ADAM2: variants seen among roughly 807,000 people sequenced by gnomAD.
The protein encoded by ADAM2 is ADAM metallopeptidase domain 2.
A neutral mutation model predicts 99.3 loss-of-function variants in ADAM2; 101 were observed. That is an observed-to-expected ratio of 1.02 (90% CI 0.87 to 1.20). ADAM2 has a LOEUF of 1.20. Among genes scored for constraint, ADAM2 ranks in the 50% most tolerant of loss-of-function variants. The pLI, the probability that ADAM2 is intolerant of heterozygous loss-of-function variation, is 0.00. For synonymous variants in ADAM2, 323 were observed against 287.6 expected (o/e 1.12, Z -1.25); for missense variants, 948 against 878.7 (o/e 1.08, Z -1.00).
At chr8:39,755,112 A>C (rs757899246) in intron 16 of ADAM2, among the ~76,000 whole-genome samples, 1 of 152,198 alleles carries the variant, frequency 6.6e-6, no homozygotes, top group Non-Finnish European at 1.5e-5. Context: ...AAATGATTAT[A>C]TCAAAAGATA....
At chr8:39,756,119 C>T (rs894609860) in intron 15 of ADAM2, among the ~76,000 whole-genome samples, 3 of 152,118 alleles carry the variant, frequency 2.0e-5, no homozygotes, top group African/African-American at 7.2e-5. Context: ...AAGGTTGGTG[C>T]AAAACTAATA....
chr8:39,796,787 T>G (rs7386340), intron 7 of ADAM2, among the ~76,000 whole-genome samples: 110,360 of 152,120 alleles, frequency 0.73, 41,025 homozygotes, highest in African/African-American at 0.89. Context: ...TTTCTCTGAT[T>G]ATTAGTGATG....
intron 5 of ADAM2, 52 bp from the exon 6 acceptor site, chr8:39,821,222 C>T: frequency 8.2e-7 from 1 of 1,224,894 alleles, no homozygotes; most frequent in Non-Finnish European, 1.1e-6. Flanking sequence ...TGTGGAAAAG[C>T]CAATAAAATG....
In ADAM2 at chr8:39,823,661, T is replaced by G. The variant is rs573873900; in HGVS notation, c.267+1158A>C. ...GATCTCCTGTGCCTCTGTCTTGGAT[T>G]CTCACTCTATCTTCTGTCCTCTCTC... is the stretch of plus-strand genomic sequence containing the variant. On this transcript the variant is annotated intron_variant, in intron 4 of 20. Transcript: ENST00000265708. Among the ~76,000 whole-genome samples, 39 of 152,188 alleles carry G rather than the reference T, an allele frequency of 2.6e-4. No homozygotes were observed. The South Asian group carries it at 5.4e-3, about 21-fold the overall frequency.
chr8:39,822,999 C>G (rs1241970728), intron 4 of ADAM2, among the ~76,000 whole-genome samples: 1 of 152,118 alleles, frequency 6.6e-6, no homozygotes, highest in Non-Finnish European at 1.5e-5. Flanking sequence ...CATCTCTTGA[C>G]CTCATGATCT....
At chr8:39,829,684 G>A (rs1805541112) in intron 3 of ADAM2, among the ~76,000 whole-genome samples, 1 of 151,770 alleles carries the variant, frequency 6.6e-6, no homozygotes, top group South Asian at 2.1e-4. Flanking sequence ...CTTGTGCATA[G>A]GCCCAAAATA....
intron 7 of ADAM2, among the ~76,000 whole-genome samples, chr8:39,805,517 G>A (rs1298261779): frequency 6.6e-6 from 1 of 152,072 alleles, no homozygotes; most frequent in Non-Finnish European, 1.5e-5. Flanking sequence ...CAAGATTCTG[G>A]AAAATGACCA....
chr8:39,829,595 T>C (rs1184990043), intron 3 of ADAM2, among the ~76,000 whole-genome samples: 1 of 151,984 alleles, frequency 6.6e-6, no homozygotes. Flanking sequence ...ATTAGTATAC[T>C]ACTTTGGAGG....
At chr8:39,758,696 TAGA>T (rs1802243603) in intron 15 of ADAM2, among the ~76,000 whole-genome samples, 1 of 152,136 alleles carries the variant, frequency 6.6e-6, no homozygotes. Context: ...AGAGCAGAAG[TAGA>T]AGAAGCTCAA....
chr8:39,789,503 T>A (rs1346379620), intron 7 of ADAM2, among the ~76,000 whole-genome samples: 3 of 151,722 alleles, frequency 2.0e-5, no homozygotes, highest in Non-Finnish European at 4.4e-5. Context: ...CAATTTTAAA[T>A]AAGAACAAAG....
At chr8:39,828,900 C>T (rs1018339476) in intron 3 of ADAM2, among the ~76,000 whole-genome samples, 9 of 151,798 alleles carry the variant, frequency 5.9e-5, no homozygotes, top group Admixed American at 2.0e-4. Context: ...AAGGCTTTAT[C>T]TTTAGGCTAT....
intron 11 of ADAM2, chr8:39,774,635 C>T (rs1478354707): frequency 1.3e-5 from 2 of 152,032 alleles, no homozygotes; most frequent in Admixed American, 6.6e-5. Flanking sequence ...ATGGGAATAA[C>T]TTATCAGGCA....
At chr8:39,765,920 GT>G (rs34480465) in intron 14 of ADAM2, among the ~76,000 whole-genome samples, 71,297 of 151,948 alleles carry the variant, frequency 0.47, 17,059 homozygotes, top group South Asian at 0.67. Context: ...CATCCTAAAT[GT>G]TTCCTCTGTC....
intron 7 of ADAM2, among the ~76,000 whole-genome samples, chr8:39,794,460 G>A (rs1803851516): frequency 6.6e-6 from 1 of 151,976 alleles, no homozygotes; most frequent in Admixed American, 6.6e-5. Context: ...CCCTCATATA[G>A]TCCTTTACCC....
intron 7 of ADAM2, among the ~76,000 whole-genome samples, 173 bp downstream of exon 7, chr8:39,809,235 AAC>A (rs1432910934): frequency 2.0e-5 from 3 of 152,190 alleles, no homozygotes; most frequent in African/African-American, 7.2e-5. Context: ...TATAAAATTA[AAC>A]ACTATATAAA....
At chr8:39,832,589 T>C (rs966344384) in intron 3 of ADAM2, among the ~76,000 whole-genome samples, 7 of 152,226 alleles carry the variant, frequency 4.6e-5, no homozygotes, top group African/African-American at 1.7e-4. Context: ...ATTCTATTTC[T>C]TACTACTTTA....
chr8:39,757,042 TAAGATA>T (rs1563337573), intron 15 of ADAM2, among the ~76,000 whole-genome samples: 1 of 152,212 alleles, frequency 6.6e-6, no homozygotes, highest in Non-Finnish European at 1.5e-5. Context: ...TATATAAGAT[TAAGATA>T]TACAATCATA....
At chr8:39,832,029 C>G (rs1176311153) in intron 3 of ADAM2, among the ~76,000 whole-genome samples, 1 of 152,200 alleles carries the variant, frequency 6.6e-6, no homozygotes, top group African/African-American at 2.4e-5. Flanking sequence ...CAATGACTAC[C>G]ATGTCATAGA....
At chr8:39,765,350 A>T (rs1802531604) in intron 14 of ADAM2, among the ~76,000 whole-genome samples, 1 of 152,170 alleles carries the variant, frequency 6.6e-6, no homozygotes, top group South Asian at 2.1e-4. Context: ...TAATTGAAAG[A>T]GAAGACTCAA....
Sources: allele counts gnomAD v4.1 joint callset (sites outside exome capture counted in the v4.1 genomes callset), GRCh38; gene constraint gnomAD v4.1.1; transcripts MANE v1.5; gene names NCBI Gene and HGNC (gene_info 2026-07-23, HGNC 2026-07-21).